The following LIN7A variants were observed in gnomAD, a reference collection of about 807,000 sequenced individuals.
LIN7A encodes the protein protein lin-7 homolog A.
Under a neutral mutation model 29.8 loss-of-function variants are expected in LIN7A, and 25 were observed. The ratio of observed to expected loss-of-function variants is 0.84; its 90% confidence interval spans 0.61 to 1.17. The LOEUF (loss-of-function observed/expected upper bound fraction) is 1.17. Ranked by LOEUF, LIN7A falls within the 50% of genes most tolerant of loss-of-function variation. The pLI is 0.00. For missense variants in LIN7A, 239 were observed against 287.0 expected, an observed-to-expected ratio of 0.83 and a Z score of 1.21; for synonymous variants, 118 against 107.5, an observed-to-expected ratio of 1.10 and a Z score of -0.60.
At chr12:80,882,562 G>T (rs1043296323) in intron 2 of LIN7A, among the ~76,000 whole-genome samples, 1 of 151,900 alleles carries the variant, frequency 6.6e-6, no homozygotes, top group African/African-American at 2.4e-5. Context: ...GGGATTACAG[G>T]CGTGAGCCAC....
chr12:80,868,297 G>A (rs148259007), intron 2 of LIN7A, among the ~76,000 whole-genome samples: 5 of 152,306 alleles, frequency 3.3e-5, no homozygotes, highest in Middle Eastern at 3.4e-3. Context: ...GGCCAGGAAC[G>A]GTGGCTCACC....
At chr12:80,904,598 C>A (rs1407613169) in intron 1 of LIN7A, among the ~76,000 whole-genome samples, 1 of 152,080 alleles carries the variant, frequency 6.6e-6, no homozygotes, top group South Asian at 2.1e-4. Context: ...CATGTTGTTG[C>A]AGGTGACAGG....
At chr12:80,917,388 A>G (rs936804774) in intron 1 of LIN7A, among the ~76,000 whole-genome samples, 3 of 152,212 alleles carry the variant, frequency 2.0e-5, no homozygotes, top group African/African-American at 7.2e-5. Context: ...ATAAAAGCCA[A>G]ACATAAACTG....
At chr12:80,911,951 C>T (rs566689454) in intron 1 of LIN7A, among the ~76,000 whole-genome samples, 22 of 152,178 alleles carry the variant, frequency 1.4e-4, no homozygotes, top group African/African-American at 4.1e-4. Context: ...ACGTTGAATA[C>T]GTTAACTCAG....
chr12:80,923,300 T>C (rs899306795), intron 1 of LIN7A, among the ~76,000 whole-genome samples: 4 of 152,210 alleles, frequency 2.6e-5, no homozygotes, highest in Non-Finnish European at 4.4e-5. Flanking sequence ...CTGGCTTTCC[T>C]GGTTCTGAGG....
chr12:80,866,954 T>C (rs1874173386), intron 2 of LIN7A, among the ~76,000 whole-genome samples: 1 of 152,040 alleles, frequency 6.6e-6, no homozygotes, highest in South Asian at 2.1e-4. Flanking sequence ...GGTTCCCATG[T>C]CTCTCTTTTT....
chr12:80,877,296 A>G (rs1222834893), intron 2 of LIN7A, among the ~76,000 whole-genome samples: 1 of 152,148 alleles, frequency 6.6e-6, no homozygotes, highest in African/African-American at 2.4e-5. Context: ...TCTATAAGAG[A>G]CAGTGATTTT....
intron 2 of LIN7A, among the ~76,000 whole-genome samples, chr12:80,884,917 C>T (rs987678412): frequency 6.6e-6 from 1 of 152,088 alleles, no homozygotes; most frequent in African/African-American, 2.4e-5. Context: ...ACATCATCCT[C>T]CAGGTCAATG....
intron 1 of LIN7A, among the ~76,000 whole-genome samples, chr12:80,890,119 TAAC>T (rs1186807293): frequency 5.9e-5 from 9 of 152,150 alleles, no homozygotes; most frequent in Non-Finnish European, 8.8e-5. Context: ...CTCTTTCACT[TAAC>T]AATATCAAAG....
intron 5 of LIN7A, among the ~76,000 whole-genome samples, chr12:80,807,072 T>TGTTTTTTTTTTTTTTG (rs777411417): frequency 7.5e-5 from 9 of 120,264 alleles, no homozygotes; most frequent in Non-Finnish European, 1.5e-4. Flanking sequence ...AGTTTTTTTT[T>TGTTTTTTTTTTTTTTG]TTTTTTTTTT....
chr12:80,863,794 G>C (rs910138952), intron 2 of LIN7A, among the ~76,000 whole-genome samples: 2 of 152,070 alleles, frequency 1.3e-5, no homozygotes, highest in Admixed American at 1.3e-4. Flanking sequence ...CCCATCTGGT[G>C]GTATGGGTTA....
intron 4 of LIN7A, among the ~76,000 whole-genome samples, chr12:80,837,404 T>C (rs1361178764): frequency 6.6e-6 from 1 of 152,102 alleles, no homozygotes; most frequent in Non-Finnish European, 1.5e-5. Context: ...AGTATCCTTA[T>C]AGAGGGAGGT....
intron 2 of LIN7A, among the ~76,000 whole-genome samples, chr12:80,882,376 C>G (rs2120594192): frequency 7.5e-6 from 1 of 133,644 alleles, no homozygotes; most frequent in Non-Finnish European, 1.7e-5. Context: ...GCTCCGCCTC[C>G]CGGGTTCACG....
At chr12:80,896,767 AG>A (rs1393972621) in intron 1 of LIN7A, among the ~76,000 whole-genome samples, 3 of 152,270 alleles carry the variant, frequency 2.0e-5, no homozygotes, top group Admixed American at 6.5e-5. Flanking sequence ...TCACAAAAAA[AG>A]TCTGACAATA....
intron 2 of LIN7A, among the ~76,000 whole-genome samples, chr12:80,863,930 C>T (rs1223019213): frequency 6.6e-6 from 1 of 151,878 alleles, no homozygotes; most frequent in African/African-American, 2.4e-5. Flanking sequence ...TAAAATGTTC[C>T]TTTGAAGAAA....
intron 4 of LIN7A, chr12:80,832,411 T>C (rs1872405679): frequency 7.3e-6 from 3 of 408,270 alleles, no homozygotes; most frequent in South Asian, 5.4e-5. Context: ...CCAAATTTAA[T>C]AATGGCAAGC....
At chr12:80,873,743 C>G (rs1795501) in intron 2 of LIN7A, among the ~76,000 whole-genome samples, 48,632 of 151,722 alleles carry the variant, frequency 0.32, 11,783 homozygotes, top group African/African-American at 0.66. Flanking sequence ...AAGAGGAAGA[C>G]GTATGTTACT....
intron 4 of LIN7A, among the ~76,000 whole-genome samples, chr12:80,841,264 C>T (rs1414056171): frequency 6.6e-6 from 1 of 150,614 alleles, no homozygotes; most frequent in Non-Finnish European, 1.5e-5. Context: ...GCACTCCAGC[C>T]TGGGCGACAG....
At chr12:80,927,005 T>C (rs1022060099) in intron 1 of LIN7A, among the ~76,000 whole-genome samples, 1 of 151,486 alleles carries the variant, frequency 6.6e-6, no homozygotes, top group Admixed American at 6.6e-5. Context: ...GGAAGTCCTC[T>C]ACTTAGAGAT....
Sources: gnomAD v4.1 joint callset for allele counts (sites outside exome capture counted in the v4.1 genomes callset) on GRCh38, gnomAD v4.1.1 for gene constraint, MANE v1.5 for transcripts, NCBI Gene and HGNC (gene_info 2026-07-23, HGNC 2026-07-21) for gene names.